Variants in PID1 observed in about 807,000 individuals in gnomAD.
The protein encoded by PID1 is PTB-containing, cubilin and LRP1-interacting protein.
Under a neutral mutation model 19.1 loss-of-function variants are expected in PID1, and 10 were observed. The ratio of observed to expected loss-of-function variants is 0.52; its 90% CI spans 0.32 to 0.89. The LOEUF is 0.89. Ranked by LOEUF, PID1 falls within the 40% of genes least tolerant of loss-of-function variation. The pLI, the probability that PID1 is intolerant of heterozygous loss-of-function variation, is 0.03. For synonymous variants in PID1, 130 were observed against 116.0 expected, an observed-to-expected ratio of 1.12 and a Z score of -0.78; for missense variants, 248 against 285.3, an observed-to-expected ratio of 0.87 and a Z score of 0.94.
intron 2 of PID1, among the ~76,000 whole-genome samples, chr2:229,153,487 C>T (rs1035799811): frequency 6.6e-6 from 1 of 152,122 alleles, no homozygotes; most frequent in African/African-American, 2.4e-5. Context: ...TTCCTGGTGT[C>T]CAAATGAAAT....
chr2:229,172,252 C>T lies in PID1; in HGVS notation c.31-16288G>A, dbSNP rs144980724. ...TTCAGGGTGGAATGTCATTCCTGAC[C>T]GGAGGGAATGCACAGGCAAGTTTGA... On this transcript the variant is annotated intron_variant, in intron 1 of 2. Transcript: ENST00000392055. 4.1e-3 allele frequency among the ~76,000 whole-genome samples: 619 copies of T among 152,216 alleles called. 5 individuals carry two copies. Among genetic ancestry groups the T allele is most frequent in the African/African-American group, 0.014 (574 of 41,526 alleles).
intron 2 of PID1, among the ~76,000 whole-genome samples, chr2:229,064,107 G>T (rs1487146810): frequency 6.6e-6 from 1 of 152,142 alleles, no homozygotes; most frequent in East Asian, 1.9e-4. Flanking sequence ...AGCCATTCAA[G>T]TGTTTCAAGA....
intron 2 of PID1, among the ~76,000 whole-genome samples, chr2:229,089,672 C>G (rs1694832209): frequency 6.6e-6 from 1 of 152,092 alleles, no homozygotes; most frequent in African/African-American, 2.4e-5. Context: ...TAATTAATTA[C>G]CACATGATAC....
chr2:229,041,861 A>G (rs1246365512), intron 2 of PID1, among the ~76,000 whole-genome samples: 3 of 152,170 alleles, frequency 2.0e-5, no homozygotes, highest in African/African-American at 7.2e-5. Flanking sequence ...GGTCAGAAAG[A>G]CTGAGAAAGA....
At chr2:229,088,752 C>A (rs1052365327) in intron 2 of PID1, among the ~76,000 whole-genome samples, 77 of 152,046 alleles carry the variant, frequency 5.1e-4, no homozygotes, top group African/African-American at 1.8e-3. Context: ...AAATCAGAGG[C>A]AAAAATACAC....
At chr2:229,249,399 T>C (rs1027608245) in intron 1 of PID1, among the ~76,000 whole-genome samples, 18 of 152,194 alleles carry the variant, frequency 1.2e-4, no homozygotes, top group African/African-American at 4.1e-4. Context: ...TACCTTTCCA[T>C]CCACAGAAAT....
At chr2:229,151,168 C>CAG (rs919701778) in intron 2 of PID1, among the ~76,000 whole-genome samples, 1 of 151,942 alleles carries the variant, frequency 6.6e-6, no homozygotes. Context: ...ATGAAAGGTG[C>CAG]AGAAGCCTGA....
chr2:229,108,486 G>T lies in PID1; in HGVS notation c.177+47332C>A, dbSNP rs564502594. On this transcript the variant is annotated intron_variant, in intron 2 of 2. Coordinates refer to ENST00000392055, the MANE Select transcript of PID1 (RefSeq NM_001100818.2). ...AGGGGAGGCAAGAGATATTCTACAG[G>T]GTGTCCCTGGGATTACATAGAGTCT... 2.0e-5 allele frequency among the ~76,000 whole-genome samples: 3 copies of T among 152,274 alleles called. No homozygotes were observed. In the South Asian group the frequency reaches 6.2e-4, roughly 32 times the overall value.
intron 2 of PID1, among the ~76,000 whole-genome samples, chr2:229,142,166 G>C (rs1690029559): frequency 6.6e-6 from 1 of 152,094 alleles, no homozygotes; most frequent in Non-Finnish European, 1.5e-5. Flanking sequence ...GTATTTGAAT[G>C]GCAGTATTTT....
In PID1 at chr2:229,042,022, G is replaced by A. The variant is rs1380379990; in HGVS notation, c.178-15914C>T. Reference sequence around the variant, plus strand: ...AGTAATGTCTCTAGATTATAAAATAGTATTGTATAAATGTCAATTTTCTGA... The same window carrying A: ...AGTAATGTCTCTAGATTATAAAATAATATTGTATAAATGTCAATTTTCTGA... On this transcript the variant is annotated intron_variant, in intron 2 of 2. Coordinates refer to ENST00000392055, the MANE Select transcript of PID1 (RefSeq NM_001100818.2). 2.6e-5 allele frequency among the ~76,000 whole-genome samples: 4 copies of A among 152,108 alleles called. No homozygotes were observed. The East Asian group carries it at 5.8e-4, about 22-fold the overall frequency.
At chr2:229,237,092 A>G (rs896572803) in intron 1 of PID1, among the ~76,000 whole-genome samples, 7 of 152,144 alleles carry the variant, frequency 4.6e-5, no homozygotes, top group Non-Finnish European at 1.0e-4. Context: ...CCATATTAAG[A>G]AATTAAAACA....
Position 229,140,173 on chromosome 2 carries a change from GTTATTT to G in PID1, c.177+15639_177+15644del, listed in dbSNP as rs1689982777. Among the ~76,000 whole-genome samples, 5 of 152,102 alleles carry G rather than the reference GTTATTT, an allele frequency of 3.3e-5. No homozygotes were observed. The South Asian group carries it at 1.0e-3, about 31-fold the overall frequency. On this transcript the variant is annotated intron_variant, in intron 2 of 2. Coordinates refer to ENST00000392055, the MANE Select transcript of PID1 (RefSeq NM_001100818.2). Reference sequence around the variant, plus strand: ...GAATATATTAAAATTTCTATTTATAGTTATTTTTATCTTCAAAAATATGAAATAAAT... The same window carrying G: ...GAATATATTAAAATTTCTATTTATAGTTATCTTCAAAAATATGAAATAAAT...
At chr2:229,080,931 G>C (rs955710740) in intron 2 of PID1, among the ~76,000 whole-genome samples, 1 of 152,124 alleles carries the variant, frequency 6.6e-6, no homozygotes, top group African/African-American at 2.4e-5. Context: ...ACTTCAGTGA[G>C]GACATCTTCC....
intron 2 of PID1, among the ~76,000 whole-genome samples, chr2:229,114,747 C>G (rs190096378): frequency 6.6e-6 from 1 of 152,310 alleles, no homozygotes; most frequent in East Asian, 1.9e-4. Flanking sequence ...ATCAACACCT[C>G]CTTGTTTTAT....
chr2:229,248,413 T>G, intron 1 of PID1, among the ~76,000 whole-genome samples: 1 of 152,248 alleles, frequency 6.6e-6, no homozygotes, highest in East Asian at 1.9e-4. Flanking sequence ...TTATGGGTGA[T>G]GCTAACTTTG....
In PID1 at chr2:229,031,748, C is replaced by G. The variant is rs76450638; in HGVS notation, c.178-5640G>C. ...TAGCAAGACCGTCTCCCCTCAGAAA[C>G]TCTTTTCAATCAGCCCTGCTGTTAT... On this transcript the variant is annotated intron_variant, in intron 2 of 2. Coordinates refer to ENST00000392055, the MANE Select transcript of PID1 (RefSeq NM_001100818.2). Among the ~76,000 whole-genome samples the G allele has an allele frequency of 8.8e-3, 1,340 of 152,276 alleles. 17 individuals are homozygous for G. The highest frequency in any genetic ancestry group is 0.03 in the African/African-American group (1,247 of 41,546).
chr2:229,268,363 G>A (rs1690648904), intron 1 of PID1, among the ~76,000 whole-genome samples: 1 of 152,108 alleles, frequency 6.6e-6, no homozygotes, highest in African/African-American at 2.4e-5. Flanking sequence ...TTATTTAGAG[G>A]GTGACTGTTC....
At chr2:229,069,143 T>TTGTGTGTGTGTGTGTGTGTG (rs61118908) in intron 2 of PID1, among the ~76,000 whole-genome samples, 7 of 140,630 alleles carry the variant, frequency 5.0e-5, no homozygotes, top group African/African-American at 1.9e-4. Flanking sequence ...AGAAGGGTTT[T>TTGTGTGTGTGTGTGTGTGTG]TGTGTGTGTG....
chr2:229,257,020 C>T (rs1239671062), intron 1 of PID1, among the ~76,000 whole-genome samples: 1 of 152,130 alleles, frequency 6.6e-6, no homozygotes, highest in Non-Finnish European at 1.5e-5. Context: ...GAATGGGTTA[C>T]AAGTGGTCTG....
Sources: gnomAD v4.1 joint callset for allele counts (sites outside exome capture counted in the v4.1 genomes callset) on GRCh38, gnomAD v4.1.1 for gene constraint, MANE v1.5 for transcripts, NCBI Gene and HGNC (gene_info 2026-07-23, HGNC 2026-07-21) for gene names.